The following NLGN1 variants were observed in gnomAD, a reference collection of about 807,000 sequenced individuals.
The protein encoded by NLGN1 is neuroligin-1.
NLGN1 carries 12 observed loss-of-function variants against 65.5 expected under a neutral mutation model. That is an observed-to-expected ratio of 0.18 (90% CI 0.12 to 0.30). The LOEUF is 0.30. Ranked by LOEUF, NLGN1 falls within the 10% of genes least tolerant of loss-of-function variation. NLGN1 has a pLI of 1.00. For synonymous variants in NLGN1, 350 were observed against 359.5 expected (o/e 0.97, Z 0.30); for missense variants, 750 against 1,007.1 (o/e 0.74, Z 3.46).
At chr3:173,592,767 A>C (rs1159500415) in intron 2 of NLGN1, among the ~76,000 whole-genome samples, 1 of 152,208 alleles carries the variant, frequency 6.6e-6, no homozygotes, top group Non-Finnish European at 1.5e-5. Flanking sequence ...ACAATTCAAA[A>C]GACACACCCT....
chr3:174,213,117 A>T (rs950434280), intron 4 of NLGN1, among the ~76,000 whole-genome samples: 1 of 152,210 alleles, frequency 6.6e-6, no homozygotes, highest in Non-Finnish European at 1.5e-5. Flanking sequence ...GAGGATTAGG[A>T]TGTGGACATC....
At chr3:173,638,139 A>AGTTTT (rs1411929501) in intron 3 of NLGN1, among the ~76,000 whole-genome samples, 1 of 150,848 alleles carries the variant, frequency 6.6e-6, no homozygotes, top group Admixed American at 6.6e-5. Context: ...TTTTCAGTAT[A>AGTTTT]GTTTTGTTTT....
At chr3:173,536,322 A>T (rs1312388732) in intron 2 of NLGN1, among the ~76,000 whole-genome samples, 1 of 152,106 alleles carries the variant, frequency 6.6e-6, no homozygotes, top group Non-Finnish European at 1.5e-5. Flanking sequence ...TTCTATTTTA[A>T]TTGTGATGTT....
At chr3:174,266,424 C>T (rs501734) in intron 4 of NLGN1, among the ~76,000 whole-genome samples, 102,519 of 151,946 alleles carry the variant, frequency 0.67, 35,362 homozygotes, top group African/African-American at 0.81. Flanking sequence ...TTCCACAGTG[C>T]ATATGTACGA....
At chr3:173,666,322 A>T (rs1383145058) in intron 3 of NLGN1, among the ~76,000 whole-genome samples, 1 of 152,152 alleles carries the variant, frequency 6.6e-6, no homozygotes, top group Admixed American at 6.5e-5. Context: ...TGTCCTATTG[A>T]TAGGATACAA....
At chr3:173,705,717 C>T (rs996736474) in intron 3 of NLGN1, among the ~76,000 whole-genome samples, 4 of 151,568 alleles carry the variant, frequency 2.6e-5, no homozygotes, top group African/African-American at 7.3e-5. Context: ...CTTATTCGGT[C>T]GTCATGGAGA....
At chr3:173,984,453 C>T (rs1021448481) in intron 4 of NLGN1, among the ~76,000 whole-genome samples, 10 of 152,254 alleles carry the variant, frequency 6.6e-5, no homozygotes, top group Non-Finnish European at 1.0e-4. Flanking sequence ...ATATTTCAAA[C>T]GCTCATATGG....
rs115695650 is a variant in NLGN1 at position 174,052,329 on chromosome 3, A to G, written c.647-222986A>G. Among the ~76,000 whole-genome samples the G allele has an allele frequency of 2.7e-3, 407 of 152,142 alleles. 2 individuals are homozygous for G. Among genetic ancestry groups the G allele is most frequent in the African/African-American group, 9.4e-3 (389 of 41,544 alleles). ...GATAGCATGTTCTACTTTTTTTATA[A>G]GAATATTAATTATTATATTTTCCCT... is the stretch of plus-strand genomic sequence containing the variant. On this transcript the variant is annotated intron_variant, in intron 4 of 6. Coordinates refer to ENST00000457714, the Ensembl canonical transcript of NLGN1.
At chr3:174,133,923 C>CACACACAT (rs1720711910) in intron 4 of NLGN1, among the ~76,000 whole-genome samples, 1 of 149,670 alleles carries the variant, frequency 6.7e-6, no homozygotes, top group African/African-American at 2.5e-5. Flanking sequence ...CACACACACA[C>CACACACAT]ACATATTTTT....
chr3:174,090,254 T>G (rs957553004), intron 4 of NLGN1, among the ~76,000 whole-genome samples: 2 of 152,198 alleles, frequency 1.3e-5, no homozygotes, highest in East Asian at 1.9e-4. Context: ...GCAGATCACT[T>G]GAGGTCAAGA....
At chr3:173,734,023 T>A (rs1453536586) in intron 3 of NLGN1, among the ~76,000 whole-genome samples, 2 of 152,118 alleles carry the variant, frequency 1.3e-5, no homozygotes, top group East Asian at 3.9e-4. Flanking sequence ...TGTTACTTCT[T>A]TCTGTGAGCA....
At chr3:173,726,166 C>A (rs1199183435) in intron 3 of NLGN1, among the ~76,000 whole-genome samples, 1 of 151,604 alleles carries the variant, frequency 6.6e-6, no homozygotes, top group Non-Finnish European at 1.5e-5. Context: ...CCATAAGGAC[C>A]TTACTTACTG....
At chr3:173,542,975 T>A (rs1739148178) in intron 2 of NLGN1, among the ~76,000 whole-genome samples, 1 of 152,112 alleles carries the variant, frequency 6.6e-6, no homozygotes, top group Non-Finnish European at 1.5e-5. Flanking sequence ...AGGTTCCATG[T>A]CTTCAACTTT....
intron 3 of NLGN1, among the ~76,000 whole-genome samples, chr3:173,796,079 T>C (rs1394978018): frequency 6.6e-6 from 1 of 152,106 alleles, no homozygotes; most frequent in African/African-American, 2.4e-5. Context: ...CGGGAGCTAA[T>C]AATACCCTCA....
intron 2 of NLGN1, among the ~76,000 whole-genome samples, chr3:173,458,549 C>T (rs1280133173): frequency 2.0e-5 from 3 of 152,070 alleles, no homozygotes; most frequent in African/African-American, 7.2e-5. Context: ...ATCCTACAGA[C>T]TCCTCCCCAA....
intron 4 of NLGN1, among the ~76,000 whole-genome samples, chr3:173,840,111 A>G (rs1455944047): frequency 6.6e-6 from 1 of 152,164 alleles, no homozygotes; most frequent in African/African-American, 2.4e-5. Context: ...CCATTATTGC[A>G]TTTTATTGGA....
intron 4 of NLGN1, among the ~76,000 whole-genome samples, chr3:173,963,111 G>A (rs1713994307): frequency 6.6e-6 from 1 of 152,034 alleles, no homozygotes; most frequent in Admixed American, 6.6e-5. Flanking sequence ...CCTTTAAAAT[G>A]CATTATCTCA....
chr3:173,528,239 T>C (rs545508317), intron 2 of NLGN1, among the ~76,000 whole-genome samples: 1 of 152,308 alleles, frequency 6.6e-6, no homozygotes, highest in East Asian at 1.9e-4. Context: ...GGTATAAAAC[T>C]CTTGACTGAC....
intron 4 of NLGN1, among the ~76,000 whole-genome samples, chr3:173,827,363 T>C (rs1365637941): frequency 6.6e-6 from 1 of 152,054 alleles, no homozygotes; most frequent in Non-Finnish European, 1.5e-5. Flanking sequence ...TCTGTTATCT[T>C]AAGGCTGGGC....
Sources: gnomAD v4.1 joint callset for allele counts (sites outside exome capture counted in the v4.1 genomes callset) on GRCh38, gnomAD v4.1.1 for gene constraint, MANE v1.5 for transcripts, NCBI Gene and HGNC (gene_info 2026-07-23, HGNC 2026-07-21) for gene names.